The following PBX3 variants were observed in gnomAD, a reference collection of about 807,000 sequenced individuals.
PBX3 encodes the protein pre-B-cell leukemia transcription factor 3.
Under a neutral mutation model 48.5 loss-of-function variants are expected in PBX3, and 14 were observed. The observed-to-expected ratio is 0.29, with a 90% CI of 0.19 to 0.45. The LOEUF is 0.45. PBX3 is among the 20% of genes least tolerant of loss of function. The pLI is 1.00. For missense variants in PBX3, 386 were observed against 546.7 expected, an observed-to-expected ratio of 0.71 and a Z score of 2.93; for synonymous variants, 210 against 200.3, an observed-to-expected ratio of 1.05 and a Z score of -0.41.
chr9:125,819,271 G>A (rs922062852), intron 2 of PBX3, among the ~76,000 whole-genome samples: 2 of 151,750 alleles, frequency 1.3e-5, no homozygotes, highest in African/African-American at 4.8e-5. Context: ...GCTCACACCT[G>A]TAATCCCAGC....
At chr9:125,862,635 T>C (rs1224440713) in intron 2 of PBX3, among the ~76,000 whole-genome samples, 1 of 152,130 alleles carries the variant, frequency 6.6e-6, no homozygotes, top group Non-Finnish European at 1.5e-5. Context: ...TCAGCCCGCC[T>C]TGGACTCCCA....
At chr9:125,786,111 A>C (rs1238892479) in intron 2 of PBX3, among the ~76,000 whole-genome samples, 1 of 152,160 alleles carries the variant, frequency 6.6e-6, no homozygotes, top group East Asian at 1.9e-4. Context: ...ATCACTCCCA[A>C]AAGGGGGAAA....
At chr9:125,791,732 G>A (rs915024175) in intron 2 of PBX3, among the ~76,000 whole-genome samples, 18 of 151,944 alleles carry the variant, frequency 1.2e-4, no homozygotes, top group Non-Finnish European at 1.0e-4. Context: ...TCAGGAGTTC[G>A]AGACTATCCT....
At chr9:125,787,503 T>C (rs1387347218) in intron 2 of PBX3, among the ~76,000 whole-genome samples, 1 of 152,138 alleles carries the variant, frequency 6.6e-6, no homozygotes, top group Non-Finnish European at 1.5e-5. Flanking sequence ...GAAATTGAAA[T>C]GGCACTATCA....
intron 2 of PBX3, among the ~76,000 whole-genome samples, chr9:125,881,691 A>C (rs2132352290): frequency 6.6e-6 from 1 of 152,214 alleles, no homozygotes; most frequent in Non-Finnish European, 1.5e-5. Flanking sequence ...GGACAATAGT[A>C]GCTCCTGCAT....
intron 2 of PBX3, among the ~76,000 whole-genome samples, chr9:125,873,615 G>GTGTCA (rs148742655): frequency 1.1e-4 from 17 of 152,030 alleles, no homozygotes; most frequent in African/African-American, 4.1e-4. Flanking sequence ...AGAAATTGTG[G>GTGTCA]AGAAATTGTC....
intron 5 of PBX3, chr9:125,949,242 A>G: frequency 8.9e-7 from 1 of 1,122,666 alleles, no homozygotes; most frequent in East Asian, 2.6e-5. Flanking sequence ...GAGAATAATG[A>G]TAATTTGCTC....
In PBX3 at chr9:125,929,972, A is replaced by G; in HGVS notation, c.707+127A>G. The stretch of plus-strand genomic sequence containing the variant: ...CATATGAGTCTTTTGTACAATGGAC[A>G]GGTAATTCAACTCATGGTTCCTGTG... On this transcript the variant is annotated intron_variant, in intron 4 of 8. Coordinates refer to ENST00000373489, the MANE Select transcript of PBX3 (RefSeq NM_006195.6). 7 of 691,914 alleles carry G rather than the reference A, an allele frequency of 1.0e-5. No individual in the cohort carries two copies. The South Asian group carries it at 1.3e-4, about 13-fold the overall frequency. The allele number at this position is 691,914 out of a possible 1,614,324, so 42.9% of individuals were successfully genotyped here.
At position 125,948,705 on chromosome 9, in the gene PBX3, C is replaced by CGTGT. The variant is rs34522175; in HGVS notation, c.844-11966_844-11963dup. On this transcript the variant is annotated intron_variant, in intron 5 of 8. Transcript: ENST00000373489. The stretch of plus-strand genomic sequence containing the variant: ...ATCTGTATATATGTGCAGGTATATA[C>CGTGT]GTGTGTGTGTGTGTGTATATATATA... Among the ~76,000 whole-genome samples, 225 of 148,616 alleles carry CGTGT rather than the reference C, an allele frequency of 1.5e-3. 2 individuals are homozygous for CGTGT. The East Asian group carries it at 0.022, about 15-fold the overall frequency.
At chr9:125,888,123 T>C (rs545911062) in intron 2 of PBX3, among the ~76,000 whole-genome samples, 1 of 152,268 alleles carries the variant, frequency 6.6e-6, no homozygotes, top group East Asian at 1.9e-4. Context: ...AAAAGAAATG[T>C]TACCTCTGTG....
chr9:125,877,939 G>C (rs1840294976), intron 2 of PBX3, among the ~76,000 whole-genome samples: 1 of 152,056 alleles, frequency 6.6e-6, no homozygotes, highest in Non-Finnish European at 1.5e-5. Flanking sequence ...AAATTGTTTT[G>C]CTTAGAGTTC....
intron 2 of PBX3, among the ~76,000 whole-genome samples, chr9:125,841,509 G>A (rs1472726778): frequency 6.6e-6 from 1 of 152,090 alleles, no homozygotes; most frequent in Non-Finnish European, 1.5e-5. Context: ...GTTGCAACAG[G>A]ACATTTATAA....
intron 2 of PBX3, among the ~76,000 whole-genome samples, chr9:125,863,050 A>G (rs754087250): frequency 2.4e-4 from 36 of 151,926 alleles, no homozygotes; most frequent in Admixed American, 3.9e-4. Flanking sequence ...GGCACATGCC[A>G]CTACACCTAG....
intron 2 of PBX3, among the ~76,000 whole-genome samples, chr9:125,758,428 A>G (rs1269927908): frequency 2.0e-5 from 3 of 152,190 alleles, no homozygotes; most frequent in Admixed American, 2.0e-4. Context: ...CTGAACTTTA[A>G]TCAGTATGAG....
At chr9:125,947,212 A>G (rs1842083491) in intron 5 of PBX3, among the ~76,000 whole-genome samples, 1 of 152,194 alleles carries the variant, frequency 6.6e-6, no homozygotes, top group Non-Finnish European at 1.5e-5. Flanking sequence ...TTACAGATAC[A>G]GGGGAGGAGA....
intron 5 of PBX3, among the ~76,000 whole-genome samples, chr9:125,957,577 C>T (rs1486943096): frequency 6.6e-6 from 1 of 152,176 alleles, no homozygotes; most frequent in Non-Finnish European, 1.5e-5. Context: ...TTCGATGGTA[C>T]AGAGATTCCT....
intron 5 of PBX3, among the ~76,000 whole-genome samples, chr9:125,949,965 G>A (rs1409230634): frequency 6.6e-6 from 1 of 152,086 alleles, no homozygotes; most frequent in African/African-American, 2.4e-5. Context: ...CAGTTGTGAT[G>A]TCAGTGTTTC....
At chr9:125,776,626 C>G (rs1430530854) in intron 2 of PBX3, among the ~76,000 whole-genome samples, 1 of 152,032 alleles carries the variant, frequency 6.6e-6, no homozygotes, top group African/African-American at 2.4e-5. Context: ...AACTCTGCCC[C>G]CCGGGCTCAA....
At chr9:125,938,706 A>T (rs1286664842) in intron 5 of PBX3, among the ~76,000 whole-genome samples, 1 of 152,176 alleles carries the variant, frequency 6.6e-6, no homozygotes, top group Non-Finnish European at 1.5e-5. Context: ...GGCCAGGGAA[A>T]TGTTCTAGAT....
Sources: allele counts gnomAD v4.1 joint callset (sites outside exome capture counted in the v4.1 genomes callset), GRCh38; gene constraint gnomAD v4.1.1; transcripts MANE v1.5; gene names NCBI Gene and HGNC (gene_info 2026-07-23, HGNC 2026-07-21).